The following ADGRL3 variants were observed in gnomAD, a reference collection of about 807,000 sequenced individuals.
ADGRL3 encodes the protein adhesion G protein-coupled receptor L3, also known as calcium-independent alpha-latrotoxin receptor 3.
Under a neutral mutation model 153.5 loss-of-function variants are expected in ADGRL3, and 62 were observed. That is an observed-to-expected ratio of 0.40 (90% CI 0.33 to 0.50). The LOEUF (loss-of-function observed/expected upper bound fraction) is 0.50, where lower values mean the gene tolerates loss of function less well. ADGRL3 is among the 20% of genes least tolerant of loss of function. The pLI, the probability that ADGRL3 is intolerant of heterozygous loss-of-function variation, is 0.47. For synonymous variants in ADGRL3, 710 were observed against 672.5 expected (o/e 1.06, Z -0.86); for missense variants, 1,641 against 1,859.4 (o/e 0.88, Z 2.16).
chr4:61,824,920 G>A (rs760014758), intron 9 of ADGRL3, among the ~76,000 whole-genome samples: 2 of 152,086 alleles, frequency 1.3e-5, no homozygotes, highest in Non-Finnish European at 2.9e-5. Flanking sequence ...TTTAGTAGGG[G>A]TTGGAATTGT....
chr4:61,655,424 T>A (rs184483745), intron 5 of ADGRL3, among the ~76,000 whole-genome samples: 1 of 152,274 alleles, frequency 6.6e-6, no homozygotes, highest in African/African-American at 2.4e-5. Flanking sequence ...TAGTAAATTA[T>A]TTATTATTTT....
chr4:61,998,253 T>C lies in ADGRL3; in HGVS notation c.3383T>C (p.Leu1128Pro). 1 of 1,557,738 alleles carries C rather than the reference T, an allele frequency of 6.4e-7. No homozygotes were observed. The highest frequency in any genetic ancestry group is 8.7e-7 in the Non-Finnish European group (1 of 1,149,038). Residue 1128 changes from leucine to proline, a missense_variant, in exon 21 of 27, where the codon CTT (leucine) becomes CCT (proline). Physicochemically the swap from Leu to Pro is moderately conservative, Grantham distance 98. This residue lies in a region of ADGRL3 where 517 missense variants were observed against 555.0 expected (regional missense o/e 0.93). Coordinates refer to ENST00000683033, the MANE Select transcript of ADGRL3 (RefSeq NM_001387552.1). ...TAILKPESGC[L>P]DNINYEDNRP... ...ATACTGAAACCTGAATCAGGCTGTC[T>C]TGATAACATCAAGTAAGTGATTTTT...
intron 9 of ADGRL3, among the ~76,000 whole-genome samples, chr4:61,851,191 T>TA (rs1243070385): frequency 6.6e-6 from 1 of 152,170 alleles, no homozygotes; most frequent in Admixed American, 6.5e-5. Flanking sequence ...GCAGAGAAAT[T>TA]ATGAAGATCT....
At chr4:61,793,967 A>G (rs1165067258) in intron 8 of ADGRL3, among the ~76,000 whole-genome samples, 1 of 152,210 alleles carries the variant, frequency 6.6e-6, no homozygotes, top group Non-Finnish European at 1.5e-5. Flanking sequence ...GTACATTAGA[A>G]ACCTGGAAAA....
At chr4:61,813,746 C>A in intron 8 of ADGRL3, 63 bp from the exon 9 acceptor site, 1 of 1,585,552 alleles carries the variant, frequency 6.3e-7, no homozygotes, top group Non-Finnish European at 8.6e-7. Context: ...ATCATAAAAA[C>A]AATTTAAAAA....
At chr4:61,331,654 T>A (rs2095575300) in intron 1 of ADGRL3, among the ~76,000 whole-genome samples, 1 of 152,174 alleles carries the variant, frequency 6.6e-6, no homozygotes, top group Admixed American at 6.5e-5. Flanking sequence ...TATAGATATT[T>A]GAATTTTGTA....
At chr4:61,679,528 T>C (rs550694700) in intron 6 of ADGRL3, among the ~76,000 whole-genome samples, 30 of 152,252 alleles carry the variant, frequency 2.0e-4, no homozygotes, top group African/African-American at 6.0e-4. Context: ...ATAAAATTAA[T>C]GACTCTTTAA....
chr4:61,949,824 A>G (rs879857129), intron 17 of ADGRL3, among the ~76,000 whole-genome samples: 1 of 152,294 alleles, frequency 6.6e-6, no homozygotes, highest in South Asian at 2.1e-4. Flanking sequence ...ATTATTTGTC[A>G]TTAGAACTAG....
At chr4:61,608,836 G>A (rs148195434) in intron 5 of ADGRL3, among the ~76,000 whole-genome samples, 1 of 152,150 alleles carries the variant, frequency 6.6e-6, no homozygotes, top group African/African-American at 2.4e-5. Context: ...GATATTGATA[G>A]TGACATTCAG....
intron 2 of ADGRL3, among the ~76,000 whole-genome samples, chr4:61,489,975 G>A (rs781782311): frequency 4.6e-5 from 7 of 151,876 alleles, no homozygotes; most frequent in Admixed American, 2.6e-4. Flanking sequence ...TATATTCCTT[G>A]GTATAGCCTT....
Position 61,832,812 on chromosome 4 carries a change from C to CT in ADGRL3, c.1480+18939dup, listed in dbSNP as rs11340246. Among the ~76,000 whole-genome samples, 734 of 137,050 alleles carry CT rather than the reference C, an allele frequency of 5.4e-3. 4 individuals are homozygous for CT. The highest frequency in any genetic ancestry group is 0.016 in the East Asian group (75 of 4,698). 89.9% of individuals were successfully genotyped at this position (137,050 alleles called of 152,430 possible). A position where few individuals can be genotyped will look rare whatever the true frequency, so the allele number is the denominator to read the frequency against. ...TTCTTTCTCTCTCTGTTTTCTTTTT[C>CT]TTTTTTTTTTTTTTTTAAGAGAAGG... On this transcript the variant is annotated intron_variant, in intron 9 of 26. Coordinates refer to ENST00000683033, the MANE Select transcript of ADGRL3 (RefSeq NM_001387552.1).
intron 18 of ADGRL3, 144 bp from the exon 19 acceptor site, chr4:61,983,239 C>A (rs1445985035): frequency 3.3e-6 from 2 of 607,604 alleles, no homozygotes; most frequent in African/African-American, 3.7e-5. Context: ...GTTTTAATAT[C>A]TGTGTTTTAA....
intron 8 of ADGRL3, among the ~76,000 whole-genome samples, chr4:61,796,052 G>A (rs1163307990): frequency 6.6e-6 from 1 of 151,928 alleles, no homozygotes. Flanking sequence ...TATCTTGGCC[G>A]GGCTGGTCTC....
rs141354891 is a variant in ADGRL3, at chr4:61,219,878, C to T, written c.-240+18113C>T. On this transcript the variant is annotated intron_variant, in intron 1 of 26. Coordinates refer to ENST00000683033, the MANE Select transcript of ADGRL3 (RefSeq NM_001387552.1). ...ATCACAGCACTTTCGGAGGCCAAGG[C>T]GGGCTGATCACCTGAGGTCAGGAGT... Among the ~76,000 whole-genome samples, 1,428 of 152,088 alleles carry T rather than the reference C, an allele frequency of 9.4e-3. 24 individuals carry two copies. Among genetic ancestry groups the T allele is most frequent in the African/African-American group, 0.032 (1,345 of 41,490 alleles).
rs1560623018 is a variant in ADGRL3 at position 61,432,618 on chromosome 4, CTTTCTTTCTTTCTTTCTT to C, written c.-174+49431_-174+49448del. Among the ~76,000 whole-genome samples the C allele has an allele frequency of 9.3e-4, 66 of 70,820 alleles. 11 individuals are homozygous for C. The highest frequency in any genetic ancestry group is 1.5e-3 in the Non-Finnish European group (51 of 33,694). The allele number at this position is 70,820 out of a possible 152,430, so 46.5% of individuals were successfully genotyped here. A position where few individuals can be genotyped will look rare whatever the true frequency, so the allele number is the denominator to read the frequency against. On this transcript the variant is annotated intron_variant, in intron 2 of 26. Transcript: ENST00000683033. ...TCTTTCTTTCTTTCTTTCTTTCTTT[CTTTCTTTCTTTCTTTCTT>C]TCTTTCTTTCTTTCTTTCTTTTTTT...
chr4:62,011,893 G>C (rs2099188210), intron 21 of ADGRL3, among the ~76,000 whole-genome samples: 1 of 151,974 alleles, frequency 6.6e-6, no homozygotes, highest in Non-Finnish European at 1.5e-5. Context: ...TGGTTTTTAG[G>C]AGTTTGGCTT....
At chr4:61,432,642 CTTTCTT>C (rs2097381960) in intron 2 of ADGRL3, among the ~76,000 whole-genome samples, 1 of 22,940 alleles carries the variant, frequency 4.4e-5, no homozygotes, top group African/African-American at 1.4e-4. Flanking sequence ...TTCTTTCTTT[CTTTCTT>C]TCTTTCTTTT....
intron 2 of ADGRL3, among the ~76,000 whole-genome samples, chr4:61,443,405 A>C (rs911707261): frequency 2.0e-5 from 3 of 152,240 alleles, no homozygotes; most frequent in African/African-American, 4.8e-5. Flanking sequence ...AATGATATTT[A>C]TTATTACTAA....
chr4:62,019,183 A>G (rs527605499), intron 21 of ADGRL3, among the ~76,000 whole-genome samples: 1 of 152,200 alleles, frequency 6.6e-6, no homozygotes, highest in Admixed American at 6.5e-5. Context: ...TTATATATAT[A>G]TAAAAGTTTT....
Sources: allele counts gnomAD v4.1 joint callset (sites outside exome capture counted in the v4.1 genomes callset), GRCh38; gene constraint gnomAD v4.1.1; regional missense constraint gnomAD v4.1.1; transcripts MANE v1.5; gene names NCBI Gene and HGNC (gene_info 2026-07-23, HGNC 2026-07-21).